NLRP4: variants seen among roughly 807,000 people sequenced by gnomAD.
NLRP4 encodes NACHT, LRR and PYD domains-containing protein 4.
Under a neutral mutation model 84.7 loss-of-function variants are expected in NLRP4, and 44 were observed. The ratio of observed to expected loss-of-function variants is 0.52; its 90% CI spans 0.41 to 0.67. NLRP4 has a LOEUF of 0.67. Ranked by LOEUF, NLRP4 falls within the 30% of genes least tolerant of loss-of-function variation. The pLI, the probability that NLRP4 is intolerant of heterozygous loss-of-function variation, is 0.00. For synonymous variants in NLRP4, 544 were observed against 476.4 expected (o/e 1.14, Z -1.85); for missense variants, 1,260 against 1,219.4 (o/e 1.03, Z -0.50).
chr19:55,872,765 A>G lies in NLRP4; in HGVS notation c.2525+1768A>G, dbSNP rs527612688. On this transcript the variant is annotated intron_variant, in intron 7 of 9. Transcript: ENST00000301295. ...TCGCGGAAAGAGAAAATATTTTAAGAAGACTGAAATTTTTCTGTAACCAAT... is the reference window on the plus strand; with the variant it reads ...TCGCGGAAAGAGAAAATATTTTAAGGAGACTGAAATTTTTCTGTAACCAAT... Among the ~76,000 whole-genome samples, 3 of 152,350 alleles carry G rather than the reference A, an allele frequency of 2.0e-5. No homozygotes were observed. In the South Asian group the frequency reaches 6.2e-4, roughly 32 times the overall value.
intron 1 of NLRP4, among the ~76,000 whole-genome samples, chr19:55,851,690 C>A (rs1259154039): frequency 1.8e-5 from 2 of 109,790 alleles, no homozygotes; most frequent in Non-Finnish European, 4.6e-5. Context: ...GGTGTAATGT[C>A]CGAGGCTGCG....
At chr19:55,872,685 T>C (rs1985230657) in intron 7 of NLRP4, among the ~76,000 whole-genome samples, 1 of 152,146 alleles carries the variant, frequency 6.6e-6, no homozygotes, top group South Asian at 2.1e-4. Flanking sequence ...AGGTAAATCA[T>C]AGAAGAGGGT....
intron 1 of NLRP4, among the ~76,000 whole-genome samples, chr19:55,842,024 G>C (rs145013427): frequency 4.7e-4 from 71 of 152,296 alleles, no homozygotes; most frequent in South Asian, 1.9e-3. Context: ...GTTTTCCATA[G>C]TGGTTCTGCT....
intron 7 of NLRP4, among the ~76,000 whole-genome samples, chr19:55,871,258 C>T (rs867473972): frequency 1.3e-5 from 2 of 152,108 alleles, no homozygotes; most frequent in African/African-American, 2.4e-5. Flanking sequence ...GGAATTAGGT[C>T]GGGACCTGAG....
At position 55,881,553 on chromosome 19, in the gene NLRP4, A is replaced by G; in HGVS notation, c.2951A>G (p.Asp984Gly). ...EERNPNLTIT[D>G]DCDTITRVEI Reference sequence around the variant, plus strand: ...AGAAATCCTAACCTGACCATCACAGACGACTGTGACACAATCACAAGGGTA... The same window carrying G: ...AGAAATCCTAACCTGACCATCACAGGCGACTGTGACACAATCACAAGGGTA... Residue 984 changes from aspartate (D) to glycine (G), a missense_variant, in exon 10 of 10, where the codon GAC becomes GGC. Asp to Gly is a moderately conservative substitution (Grantham distance 94, BLOSUM62 -1). This residue lies in a region of NLRP4 where 544 missense variants were observed against 531.7 expected (regional missense o/e 1.02). Coordinates refer to ENST00000301295, the MANE Select transcript of NLRP4 (RefSeq NM_134444.5). 1 of 1,599,942 alleles carries G rather than the reference A, an allele frequency of 6.3e-7. No homozygotes were observed. The highest frequency in any genetic ancestry group is 8.6e-7 in the Non-Finnish European group (1 of 1,167,124).
intron 1 of NLRP4, among the ~76,000 whole-genome samples, chr19:55,845,475 T>C (rs956330768): frequency 1.5e-4 from 23 of 152,062 alleles, no homozygotes; most frequent in Middle Eastern, 6.8e-3. Context: ...TGAATAGTGC[T>C]GCAATAAACA....
intron 2 of NLRP4, among the ~76,000 whole-genome samples, chr19:55,854,372 A>G (rs1984328507): frequency 6.6e-6 from 1 of 152,104 alleles, no homozygotes; most frequent in Non-Finnish European, 1.5e-5. Context: ...TATTTTATTG[A>G]GCATTTTAAA....
chr19:55,850,952 A>T (rs371184519), intron 1 of NLRP4, among the ~76,000 whole-genome samples: 78 of 75,464 alleles, frequency 1.0e-3, no homozygotes, highest in Admixed American at 1.5e-3. Flanking sequence ...GTAATGTCCG[A>T]GGCTGCGGTG....
intron 1 of NLRP4, among the ~76,000 whole-genome samples, chr19:55,849,892 G>A (rs867774618): frequency 0.11 from 2,248 of 21,246 alleles, 269 homozygotes; most frequent in Middle Eastern, 0.15. Flanking sequence ...TAATTTCCGT[G>A]GCCGGCGGTG....
intron 1 of NLRP4, among the ~76,000 whole-genome samples, chr19:55,850,348 T>C (rs868119174): frequency 6.0e-5 from 3 of 49,806 alleles, no homozygotes; most frequent in Middle Eastern, 0.013. Flanking sequence ...CGGTGTAATT[T>C]CCGAGGCTGC....
chr19:55,870,354 A>C (rs760148473), intron 6 of NLRP4, among the ~76,000 whole-genome samples: 3 of 152,206 alleles, frequency 2.0e-5, no homozygotes, highest in African/African-American at 7.2e-5. Context: ...TAATTCTTCT[A>C]TCATGCAACT....
At chr19:55,849,896 G>GCGGTGTAATTTCCGTAGCC (rs1568658037) in intron 1 of NLRP4, among the ~76,000 whole-genome samples, 597 of 15,250 alleles carry the variant, frequency 0.039, 51 homozygotes, top group East Asian at 0.1. Flanking sequence ...TTCCGTGGCC[G>GCGGTGTAATTTCCGTAGCC]GCGGTGTAAT....
At chr19:55,842,812 T>C (rs934179035) in intron 1 of NLRP4, among the ~76,000 whole-genome samples, 2 of 152,146 alleles carry the variant, frequency 1.3e-5, no homozygotes, top group South Asian at 2.1e-4. Flanking sequence ...CAGGCTGGAG[T>C]GGAGAGGTGC....
At chr19:55,849,693 C>T (rs764385765) in intron 1 of NLRP4, among the ~76,000 whole-genome samples, 1 of 152,216 alleles carries the variant, frequency 6.6e-6, no homozygotes, top group Non-Finnish European at 1.5e-5. Flanking sequence ...CATGCCTTCT[C>T]TATTGTTTAC....
rs200576295 is a variant in NLRP4, at chr19:55,858,943, C to T, written c.1550C>T (p.Ala517Val). The part of the protein sequence containing the change: ...LNKKEQEKLD[A>V]FFGFQLSQEI... ...AAAAAGGAACAAGAAAAACTGGATG[C>T]GTTTTTTGGCTTCCAACTGTCCCAA... Residue 517 changes from alanine to valine, a missense_variant, in exon 3 of 10, where the codon GCG becomes GTG. By Grantham distance (64) the Ala-to-Val change is moderately conservative. Around this residue, in one of 3 missense-constraint regions of NLRP4, gnomAD observed 712 missense variants for 669.2 expected, o/e 1.06. Transcript: ENST00000301295. The surrounding 1 kb of genome is among the most constrained non-coding windows in gnomAD (Gnocchi z 4.2). 1.1e-5 allele frequency: 18 copies of T among 1,613,838 alleles called. No homozygotes were observed. In the Middle Eastern group the frequency reaches 6.6e-4, roughly 59 times the overall value.
At chr19:55,842,121 G>A (rs757783363) in intron 1 of NLRP4, among the ~76,000 whole-genome samples, 9 of 152,096 alleles carry the variant, frequency 5.9e-5, no homozygotes, top group African/African-American at 9.7e-5. Flanking sequence ...CCATTCTAAC[G>A]GGGTGAGTTA....
At chr19:55,868,040 G>A (rs760765333) in intron 6 of NLRP4, among the ~76,000 whole-genome samples, 164 bp downstream of exon 6, 20 of 152,206 alleles carry the variant, frequency 1.3e-4, no homozygotes, top group Non-Finnish European at 2.2e-4. Context: ...GATTTATCAC[G>A]TATATACTGT....
In NLRP4 at chr19:55,871,420, C is replaced by G. The variant is rs181109772; in HGVS notation, c.2525+423C>G. On this transcript the variant is annotated intron_variant, in intron 7 of 9. Transcript: ENST00000301295. ...TACACGTGAGAATTAATGTGTGTAA[C>G]AGAGAATGCTTTAGAAGAAGACAAA... Among the ~76,000 whole-genome samples, 17 of 152,248 alleles carry G rather than the reference C, an allele frequency of 1.1e-4. No homozygotes were observed. In the South Asian group the frequency reaches 2.5e-3, roughly 22 times the overall value.
chr19:55,859,494 A>C (rs1984633101), intron 3 of NLRP4, among the ~76,000 whole-genome samples: 1 of 152,130 alleles, frequency 6.6e-6, no homozygotes, highest in Non-Finnish European at 1.5e-5. Flanking sequence ...GTGAGGAGTG[A>C]ATATGAGGAC....
Sources: gnomAD v4.1 joint callset for allele counts (sites outside exome capture counted in the v4.1 genomes callset) on GRCh38, gnomAD v4.1.1 for gene constraint, gnomAD v4.1.1 regional missense constraint, Gnocchi (gnomAD v3.1) non-coding constraint, MANE v1.5 for transcripts, NCBI Gene and HGNC (gene_info 2026-07-23, HGNC 2026-07-21) for gene names.